The following PLB1 variants were observed in gnomAD, a reference collection of about 807,000 sequenced individuals.
PLB1 encodes phospholipase B1, also known as phospholipase B1, membrane-associated.
In PLB1, 242 loss-of-function variants were observed where a neutral mutation model predicts 227.4. That is an observed-to-expected ratio of 1.06 (90% confidence interval 0.96 to 1.18). The LOEUF (loss-of-function observed/expected upper bound fraction) is 1.18, where lower values mean the gene tolerates loss of function less well. Among genes scored for constraint, PLB1 ranks in the 50% most tolerant of loss-of-function variants. PLB1 has a pLI of 0.00. For synonymous variants in PLB1, 757 were observed against 682.2 expected (o/e 1.11, Z -1.71); for missense variants, 1,858 against 1,816.3 (o/e 1.02, Z -0.42).
chr2:28,542,149 A>T (rs1005576264), intron 13 of PLB1, among the ~76,000 whole-genome samples: 1 of 139,320 alleles, frequency 7.2e-6, no homozygotes, highest in Non-Finnish European at 1.6e-5. Flanking sequence ...AAAAAAAAAA[A>T]GTGTGAAGAG....
intron 1 of PLB1, among the ~76,000 whole-genome samples, chr2:28,509,100 A>G (rs942333699): frequency 6.6e-6 from 1 of 152,324 alleles, no homozygotes; most frequent in Middle Eastern, 3.4e-3. Flanking sequence ...ATGTTCAGAT[A>G]GATTAGATGC....
intron 20 of PLB1, 114 bp downstream of exon 20, chr2:28,566,953 A>G (rs1373263912): frequency 1.8e-5 from 22 of 1,247,770 alleles, no homozygotes; most frequent in Non-Finnish European, 2.4e-5. Flanking sequence ...GGAGCCCGCT[A>G]AATTCACCAG....
intron 43 of PLB1, among the ~76,000 whole-genome samples, chr2:28,610,715 A>G (rs1024804736): frequency 6.6e-6 from 1 of 152,128 alleles, no homozygotes; most frequent in Non-Finnish European, 1.5e-5. Context: ...TTCCCCATGG[A>G]ACTACACCTG....
chr2:28,632,141 G>A lies in PLB1; in HGVS notation c.4002+1G>A. The A allele has an allele frequency of 6.2e-7, 1 of 1,611,182 alleles. No individual in the cohort carries two copies. The highest frequency in any genetic ancestry group is 8.5e-7 in the Non-Finnish European group (1 of 1,177,370). On this transcript the variant is annotated splice_donor_variant, in intron 55 of 57. Transcript: ENST00000327757. LOFTEE classifies it high-confidence loss of function. ...AAACACACTCACCCCACTGAACGAG[G>A]TGAGCTGCAGGTATTTTAGGGAGGC... is the stretch of plus-strand genomic sequence containing the variant.
intron 43 of PLB1, among the ~76,000 whole-genome samples, chr2:28,612,493 A>G (rs1396718502): frequency 1.3e-5 from 2 of 152,074 alleles, no homozygotes; most frequent in Admixed American, 1.3e-4. Context: ...GCTCATCTAT[A>G]AAGTGGGGCA....
chr2:28,575,453 A>G (rs1406176296), intron 21 of PLB1, among the ~76,000 whole-genome samples: 1 of 152,116 alleles, frequency 6.6e-6, no homozygotes, highest in Non-Finnish European at 1.5e-5. Context: ...ATTTCCTGAC[A>G]TCCTTCCAGC....
chr2:28,547,616 C>A (rs969723218), intron 14 of PLB1, among the ~76,000 whole-genome samples: 1 of 152,156 alleles, frequency 6.6e-6, no homozygotes, highest in Non-Finnish European at 1.5e-5. Flanking sequence ...GCCAGACAGG[C>A]TGCCCCATCC....
intron 46 of PLB1, 73 bp from the exon 47 acceptor site, chr2:28,620,192 C>G (rs1686826663): frequency 3.8e-6 from 4 of 1,062,754 alleles, no homozygotes; most frequent in Non-Finnish European, 5.3e-6. Context: ...GCTGCTACCC[C>G]AGGGCCAGAG....
chr2:28,556,440 C>T (rs1675139016), intron 17 of PLB1, among the ~76,000 whole-genome samples: 1 of 152,102 alleles, frequency 6.6e-6, no homozygotes, highest in African/African-American at 2.4e-5. Flanking sequence ...ATTGGGTAGC[C>T]AGTAAAAACT....
chr2:28,519,758 G>T lies in PLB1; in HGVS notation c.238G>T (p.Glu80Ter). The change falls in exon 4 of 58, where the codon GAA (glutamate) becomes TAA (stop). Residue 80 changes from glutamate to a stop codon, truncating the protein, a stop_gained. Transcript: ENST00000327757. LOFTEE classifies it high-confidence loss of function. ...ATTTGTGGCAGCCATTGGCAATCTG[G>T]AAATTGTGAGTATTTGAAGTAGCTT... ...IKFVAAIGNL[E>*]IPPDPGTGDL... is the part of the protein sequence containing the mutation. 1 of 1,610,194 alleles carries T rather than the reference G, an allele frequency of 6.2e-7. No homozygotes were observed. The highest frequency in any genetic ancestry group is 8.5e-7 in the Non-Finnish European group (1 of 1,176,530).
rs145379829 is a variant in PLB1, at chr2:28,525,298, A to G, written c.275A>G (p.Lys92Arg). The change falls in exon 5 of 58, where the codon AAG becomes AGG. Residue 92 changes from lysine (K) to arginine (R), a missense_variant. Coordinates refer to ENST00000327757, the MANE Select transcript of PLB1 (RefSeq NM_153021.5). ...PPDPGTGDLE[K>R]QDWTERPQQV... is the part of the protein sequence containing the mutation. ...GACCCAGGGACGGGCGATCTGGAGA[A>G]GCAAGACTGGTAACTATCCTGAAAA... 2,955 of 1,613,690 alleles carry G rather than the reference A, an allele frequency of 1.8e-3. 42 individuals are homozygous for G. Among genetic ancestry groups the G allele is most frequent in the East Asian group, 2.9e-3 (131 of 44,878 alleles).
Position 28,519,568 on chromosome 2 carries a change from T to C in PLB1, c.185-137T>C, listed in dbSNP as rs888752867. The C allele has an allele frequency of 4.6e-6, 3 of 647,280 alleles. No individual in the cohort carries two copies. In the African/African-American group the frequency reaches 5.5e-5, roughly 12 times the overall value. 40.1% of individuals were successfully genotyped at this position (647,280 alleles called of 1,614,324 possible). A position where few individuals can be genotyped will look rare whatever the true frequency, so the allele number is the denominator to read the frequency against. On this transcript the variant is annotated intron_variant, in intron 3 of 57. Transcript: ENST00000327757. ...CACTGCCTGGTCTTTGGCATTCCACTTCCATGGCCAACAGACTGGACCTCC... is the reference window on the plus strand; with the variant it reads ...CACTGCCTGGTCTTTGGCATTCCACCTCCATGGCCAACAGACTGGACCTCC...
At chr2:28,566,927 A>C (rs936991349) in intron 20 of PLB1, 88 bp downstream of exon 20, 4 of 1,489,406 alleles carry the variant, frequency 2.7e-6, no homozygotes, top group African/African-American at 1.4e-5. Context: ...GGGCCTCGGG[A>C]GGAGCCCCGG....
At position 28,540,426 on chromosome 2, in the gene PLB1, G is replaced by A. The variant is rs961292944; in HGVS notation, c.759G>A (p.Met253Ile). The A allele has an allele frequency of 6.2e-6, 10 of 1,614,008 alleles. No homozygotes were observed. The highest frequency in any genetic ancestry group is 6.8e-6 in the Non-Finnish European group (8 of 1,180,000). Residue 253 changes from methionine (M) to isoleucine (I), a missense_variant, in exon 12 of 58, where the codon ATG becomes ATA. Met to Ile is a conservative substitution (Grantham distance 10). Transcript: ENST00000327757. ...EETTRLAKVV[M>I]QWSYQEAWNS... ...CCACCCGGCTGGCCAAGGTGGTGAT[G>A]CAGTGGTCTTATCAGGTGAGCCCAA...
At chr2:28,614,820 T>C (rs1685963717) in intron 44 of PLB1, among the ~76,000 whole-genome samples, 1 of 152,060 alleles carries the variant, frequency 6.6e-6, no homozygotes, top group Admixed American at 6.5e-5. Context: ...CCAAGGGAAG[T>C]GAGAGCCCAG....
At chr2:28,635,495 C>A (rs1689182585) in intron 56 of PLB1, among the ~76,000 whole-genome samples, 1 of 150,642 alleles carries the variant, frequency 6.6e-6, no homozygotes, top group African/African-American at 2.4e-5. Flanking sequence ...CCTGGGCATG[C>A]CACCACCCTC....
chr2:28,539,578 T>C (rs1572845961), intron 11 of PLB1, among the ~76,000 whole-genome samples: 6 of 152,162 alleles, frequency 3.9e-5, no homozygotes, highest in Admixed American at 3.9e-4. Context: ...CCTATATATT[T>C]CTGAAAATGT....
intron 23 of PLB1, among the ~76,000 whole-genome samples, chr2:28,581,500 AATAAAT>A (rs1679982433): frequency 3.4e-5 from 4 of 118,936 alleles, no homozygotes; most frequent in Admixed American, 2.4e-4. Flanking sequence ...TAAATAAATA[AATAAAT>A]AAATAAATAA....
At chr2:28,585,641 A>G in intron 25 of PLB1, 120 bp from the exon 26 acceptor site, 1 of 845,702 alleles carries the variant, frequency 1.2e-6, no homozygotes, top group Admixed American at 2.0e-5. Context: ...CCTCATTAGC[A>G]CAGATCTCTG....
Sources: gnomAD v4.1 joint callset for allele counts (sites outside exome capture counted in the v4.1 genomes callset) on GRCh38, gnomAD v4.1.1 for gene constraint, MANE v1.5 for transcripts, NCBI Gene and HGNC (gene_info 2026-07-23, HGNC 2026-07-21) for gene names.